The following PTPRK variants were observed in gnomAD, a reference collection of about 807,000 sequenced individuals.
The protein encoded by PTPRK is protein tyrosine phosphatase receptor type K, also known as receptor-type tyrosine-protein phosphatase kappa.
In PTPRK, 75 loss-of-function variants were observed where a neutral mutation model predicts 178.0. The observed-to-expected ratio is 0.42, with a 90% CI of 0.35 to 0.51. The LOEUF (loss-of-function observed/expected upper bound fraction) is 0.51. PTPRK is among the 20% of genes least tolerant of loss of function. PTPRK has a pLI of 0.02. For synonymous variants in PTPRK, 637 were observed against 620.6 expected, an observed-to-expected ratio of 1.03 and a Z score of -0.39; for missense variants, 1,441 against 1,797.8, an observed-to-expected ratio of 0.80 and a Z score of 3.59.
In PTPRK at chr6:128,312,476, C is replaced by T. The variant is rs527551079; in HGVS notation, c.495+9563G>A. Among the ~76,000 whole-genome samples, 9 of 152,194 alleles carry T rather than the reference C, an allele frequency of 5.9e-5. No homozygotes were observed. The South Asian group carries it at 1.9e-3, about 32-fold the overall frequency. On this transcript the variant is annotated intron_variant, in intron 3 of 29. Transcript: ENST00000368226. ...GAAACTTTTATTTCTGAAACTGCTT[C>T]GGAGGTCTTCATTTTGGAGATTGTT...
intron 25 of PTPRK, among the ~76,000 whole-genome samples, chr6:127,980,818 T>C (rs996470813): frequency 6.8e-6 from 1 of 147,084 alleles, no homozygotes; most frequent in Non-Finnish European, 1.5e-5. Context: ...AGATAAGGCA[T>C]GATTTTCTTT....
At chr6:128,247,510 G>C (rs1439017529) in intron 3 of PTPRK, among the ~76,000 whole-genome samples, 1 of 151,848 alleles carries the variant, frequency 6.6e-6, no homozygotes, top group Admixed American at 6.6e-5. Context: ...GTAGAGACGG[G>C]GTTTTAACAT....
At chr6:128,135,206 G>A (rs1340772707) in intron 7 of PTPRK, among the ~76,000 whole-genome samples, 1 of 151,916 alleles carries the variant, frequency 6.6e-6, no homozygotes, top group Non-Finnish European at 1.5e-5. Context: ...ATAAGGCAAG[G>A]TCTAACCATG....
intron 1 of PTPRK, among the ~76,000 whole-genome samples, chr6:128,515,124 T>G (rs1009986470): frequency 6.6e-6 from 1 of 152,248 alleles, no homozygotes; most frequent in Non-Finnish European, 1.5e-5. Flanking sequence ...CATAGTTGTA[T>G]GTAACTTATC....
At position 127,995,513 on chromosome 6, in the gene PTPRK, T is replaced by C. The variant is rs1377556381; in HGVS notation, c.2793A>G (p.Gln931=). The C allele has an allele frequency of 6.3e-7, 1 of 1,597,758 alleles. No homozygotes were observed. Among genetic ancestry groups the C allele is most frequent in the African/African-American group, 1.3e-5 (1 of 74,172 alleles). The change falls in exon 18 of 30, where the codon CAA becomes CAG. Residue 931 remains glutamine (Q), a synonymous_variant. Coordinates refer to ENST00000368226, the MANE Select transcript of PTPRK (RefSeq NM_002844.4). The part of the protein sequence containing the change: ...IAYDHSRVIL[Q]PVEDDPSSDY... ...CTGAGGAAGGATCATCCTCTACGGGTTGCAAAATCACTCTGGAGTGATCAT... is the reference window on the plus strand; with the variant it reads ...CTGAGGAAGGATCATCCTCTACGGGCTGCAAAATCACTCTGGAGTGATCAT...
Position 128,405,167 on chromosome 6 carries a change from A to G in PTPRK, c.101-7479T>C, listed in dbSNP as rs757239282. The stretch of plus-strand genomic sequence containing the variant: ...AGCTAATTAACTAAAATTTCTACAA[A>G]TAATTTTATTTAAATAGGGTGACTT... On this transcript the variant is annotated intron_variant, in intron 1 of 29. Transcript: ENST00000368226. Among the ~76,000 whole-genome samples, 7 of 152,168 alleles carry G rather than the reference A, an allele frequency of 4.6e-5. 1 individual carries two copies. The highest frequency in any genetic ancestry group is 8.8e-5 in the Non-Finnish European group (6 of 68,028).
chr6:128,392,850 G>A (rs1177856545), intron 2 of PTPRK, among the ~76,000 whole-genome samples: 2 of 151,918 alleles, frequency 1.3e-5, no homozygotes, highest in Non-Finnish European at 2.9e-5. Context: ...AAAGACTAAG[G>A]TCAAATCTTA....
At chr6:128,283,457 A>G (rs1443854463) in intron 3 of PTPRK, among the ~76,000 whole-genome samples, 1 of 152,226 alleles carries the variant, frequency 6.6e-6, no homozygotes, top group Non-Finnish European at 1.5e-5. Flanking sequence ...CTCATATCTC[A>G]GAAGTAATAA....
intron 3 of PTPRK, among the ~76,000 whole-genome samples, chr6:128,266,130 T>G (rs945615104): frequency 6.6e-6 from 1 of 152,142 alleles, no homozygotes; most frequent in Non-Finnish European, 1.5e-5. Context: ...TATAGCAGAC[T>G]GAAGTGACTA....
intron 7 of PTPRK, among the ~76,000 whole-genome samples, chr6:128,096,497 T>C (rs1042731803): frequency 1.3e-5 from 2 of 152,162 alleles, no homozygotes; most frequent in African/African-American, 4.8e-5. Context: ...AACAAAAGCT[T>C]TAGCATCTAT....
chr6:128,380,492 TG>T (rs755233260), intron 2 of PTPRK, among the ~76,000 whole-genome samples: 1 of 151,702 alleles, frequency 6.6e-6, no homozygotes, highest in Non-Finnish European at 1.5e-5. Context: ...TGATATTCTG[TG>T]TCTAATACAT....
intron 15 of PTPRK, among the ~76,000 whole-genome samples, chr6:127,999,118 G>A (rs1777505107): frequency 1.3e-5 from 2 of 152,046 alleles, no homozygotes; most frequent in African/African-American, 4.8e-5. Context: ...ATATCAGCAA[G>A]ACAACAGACA....
chr6:128,189,612 A>G (rs1422803856), intron 6 of PTPRK, among the ~76,000 whole-genome samples: 1 of 152,168 alleles, frequency 6.6e-6, no homozygotes, highest in Non-Finnish European at 1.5e-5. Context: ...ACAGGAGTCC[A>G]CTGCTCTATT....
At chr6:128,110,513 G>T (rs975154583) in intron 7 of PTPRK, among the ~76,000 whole-genome samples, 1 of 151,900 alleles carries the variant, frequency 6.6e-6, no homozygotes, top group Non-Finnish European at 1.5e-5. Flanking sequence ...ATATCTTTTG[G>T]TACCAGTCAC....
intron 3 of PTPRK, among the ~76,000 whole-genome samples, chr6:128,249,376 T>C (rs1364776829): frequency 2.0e-5 from 3 of 151,836 alleles, no homozygotes; most frequent in Non-Finnish European, 4.4e-5. Flanking sequence ...GTAAAGAGTT[T>C]ATGGAAACAG....
intron 7 of PTPRK, among the ~76,000 whole-genome samples, chr6:128,110,356 G>C (rs1790445547): frequency 6.6e-6 from 1 of 152,184 alleles, no homozygotes; most frequent in African/African-American, 2.4e-5. Context: ...TGTCAAGGTA[G>C]AGGAGCCATA....
chr6:128,495,438 CCT>C (rs1449433769), intron 1 of PTPRK, among the ~76,000 whole-genome samples: 4 of 152,060 alleles, frequency 2.6e-5, no homozygotes, highest in African/African-American at 9.7e-5. Flanking sequence ...GTTTTTAAAT[CCT>C]CGTGGAGGCA....
chr6:127,977,499 A>G (rs982473591), intron 25 of PTPRK, among the ~76,000 whole-genome samples: 14 of 152,162 alleles, frequency 9.2e-5, no homozygotes, highest in Admixed American at 7.9e-4. Context: ...GTATGTGTAT[A>G]GTGTGTGTGC....
At position 128,519,155 on chromosome 6, in the gene PTPRK, C is replaced by A. The variant is rs1429968268; in HGVS notation, c.100+1104G>T. 2.4e-5 allele frequency: 12 copies of A among 490,948 alleles called. No individual in the cohort carries two copies. The highest frequency in any genetic ancestry group is 1.8e-4 in the Admixed American group (8 of 45,014). 30.4% of individuals were successfully genotyped at this position (490,948 alleles called of 1,614,324 possible). Reference sequence around the variant, plus strand: ...AGCCAAGCGAAGCTGGGTAGGTTGGCCAGAAAAGTTGTCAGGACTGGCGGG... The same window carrying A: ...AGCCAAGCGAAGCTGGGTAGGTTGGACAGAAAAGTTGTCAGGACTGGCGGG... On this transcript the variant is annotated intron_variant, in intron 1 of 29. Coordinates refer to ENST00000368226, the MANE Select transcript of PTPRK (RefSeq NM_002844.4). The surrounding 1 kb of genome is among the most constrained non-coding windows in gnomAD (Gnocchi z 4.3).
Sources: allele counts gnomAD v4.1 joint callset (sites outside exome capture counted in the v4.1 genomes callset), GRCh38; gene constraint gnomAD v4.1.1; non-coding constraint Gnocchi (gnomAD v3.1); transcripts MANE v1.5; gene names NCBI Gene and HGNC (gene_info 2026-07-23, HGNC 2026-07-21).